Variants in MGAT4C observed in about 807,000 individuals in gnomAD.
MGAT4C encodes the protein alpha-1,3-mannosyl-glycoprotein 4-beta-N-acetylglucosaminyltransferase C.
Under a neutral mutation model 40.1 loss-of-function variants are expected in MGAT4C, and 19 were observed. The observed-to-expected ratio is 0.47, with a 90% CI of 0.33 to 0.70. MGAT4C has a LOEUF of 0.70. MGAT4C is among the 30% of genes least tolerant of loss of function. The pLI is 0.02. For synonymous variants in MGAT4C, 181 were observed against 187.1 expected, an observed-to-expected ratio of 0.97 and a Z score of 0.27; for missense variants, 491 against 563.2, an observed-to-expected ratio of 0.87 and a Z score of 1.30.
chr12:86,115,121 T>G (rs751431381), intron 1 of MGAT4C, among the ~76,000 whole-genome samples: 1 of 152,026 alleles, frequency 6.6e-6, no homozygotes. Context: ...TGGGTACCAG[T>G]TGACGAAGGA....
chr12:86,419,116 T>C (rs1183645524), intron 3 of MGAT4C, among the ~76,000 whole-genome samples: 1 of 152,024 alleles, frequency 6.6e-6, no homozygotes, highest in African/African-American at 2.4e-5. Context: ...AGGGAAAAAA[T>C]ATAACATTAT....
At chr12:86,803,560 A>G (rs1454944782) in intron 1 of MGAT4C, among the ~76,000 whole-genome samples, 1 of 150,822 alleles carries the variant, frequency 6.6e-6, no homozygotes, top group Non-Finnish European at 1.5e-5. Flanking sequence ...AACTCAAACA[A>G]ATTTACAAGA....
At chr12:86,805,167 T>A (rs1566001720) in intron 1 of MGAT4C, among the ~76,000 whole-genome samples, 1 of 152,020 alleles carries the variant, frequency 6.6e-6, no homozygotes, top group Non-Finnish European at 1.5e-5. Flanking sequence ...TTAATGTTAA[T>A]TGTCTTGATT....
At chr12:86,561,688 T>C (rs991388902) in intron 2 of MGAT4C, among the ~76,000 whole-genome samples, 1 of 152,144 alleles carries the variant, frequency 6.6e-6, no homozygotes, top group Non-Finnish European at 1.5e-5. Flanking sequence ...TGGCCTATTG[T>C]GGGACTTCAC....
intron 1 of MGAT4C, among the ~76,000 whole-genome samples, chr12:86,103,740 G>C (rs2135605812): frequency 6.6e-6 from 1 of 152,206 alleles, no homozygotes; most frequent in East Asian, 1.9e-4. Flanking sequence ...TCTGACCCAA[G>C]CTATACCAAT....
At chr12:86,076,229 AAG>A (rs770938878) in intron 1 of MGAT4C, among the ~76,000 whole-genome samples, 49 of 152,292 alleles carry the variant, frequency 3.2e-4, no homozygotes, top group Admixed American at 6.5e-4. Context: ...AAAACATAAG[AAG>A]AGTCACCTTT....
chr12:86,054,521 G>A (rs1893202547), intron 1 of MGAT4C, among the ~76,000 whole-genome samples: 1 of 151,918 alleles, frequency 6.6e-6, no homozygotes, highest in Non-Finnish European at 1.5e-5. Flanking sequence ...ACAGTTCAGT[G>A]ACTATAGTTA....
chr12:86,654,114 C>T (rs993396573), intron 2 of MGAT4C, among the ~76,000 whole-genome samples: 1 of 152,008 alleles, frequency 6.6e-6, no homozygotes, highest in East Asian at 1.9e-4. Context: ...TACACTTCCA[C>T]AATTTTAATC....
At chr12:86,443,152 G>A (rs1048148109) in intron 2 of MGAT4C, among the ~76,000 whole-genome samples, 6 of 151,892 alleles carry the variant, frequency 4.0e-5, no homozygotes, top group African/African-American at 4.8e-5. Context: ...CAATATGTAT[G>A]AAGTATATTT....
intron 2 of MGAT4C, among the ~76,000 whole-genome samples, chr12:86,514,706 G>A (rs1419206590): frequency 1.3e-5 from 2 of 152,168 alleles, no homozygotes; most frequent in African/African-American, 4.8e-5. Context: ...AAGGTCAGCT[G>A]ATGAGCATTC....
chr12:86,535,912 TA>T (rs1565832787), intron 2 of MGAT4C, among the ~76,000 whole-genome samples: 1 of 152,096 alleles, frequency 6.6e-6, no homozygotes, highest in African/African-American at 2.4e-5. Flanking sequence ...AAAATTATTG[TA>T]GATATTTTCA....
At chr12:86,560,869 A>C (rs1959829842) in intron 2 of MGAT4C, among the ~76,000 whole-genome samples, 1 of 152,180 alleles carries the variant, frequency 6.6e-6, no homozygotes, top group Non-Finnish European at 1.5e-5. Context: ...CTTTGCAGAA[A>C]ACAAAATCTT....
chr12:86,346,375 C>T (rs945540419), intron 3 of MGAT4C, among the ~76,000 whole-genome samples: 1 of 152,068 alleles, frequency 6.6e-6, no homozygotes, highest in African/African-American at 2.4e-5. Flanking sequence ...CAGATGTGCA[C>T]CACCATGCCC....
chr12:86,217,876 T>C (rs1950730922), intron 1 of MGAT4C, among the ~76,000 whole-genome samples: 1 of 152,098 alleles, frequency 6.6e-6, no homozygotes. Flanking sequence ...ATTGAAGTGA[T>C]ATAAGAAGGT....
chr12:86,509,901 A>G (rs1242613016), intron 2 of MGAT4C, among the ~76,000 whole-genome samples: 1 of 152,100 alleles, frequency 6.6e-6, no homozygotes, highest in East Asian at 1.9e-4. Context: ...TGATTTTTGT[A>G]CATTGATTTT....
chr12:86,668,196 T>C (rs1395594053), intron 2 of MGAT4C, among the ~76,000 whole-genome samples: 3 of 152,148 alleles, frequency 2.0e-5, no homozygotes, highest in African/African-American at 7.2e-5. Flanking sequence ...CACTTGGAAA[T>C]AGCAAGATAG....
chr12:86,120,312 G>A (rs1467721212), intron 1 of MGAT4C, among the ~76,000 whole-genome samples: 1 of 152,134 alleles, frequency 6.6e-6, no homozygotes, highest in African/African-American at 2.4e-5. Context: ...CACCTCTGGG[G>A]GCAGGGCATA....
intron 2 of MGAT4C, among the ~76,000 whole-genome samples, chr12:86,013,460 C>A (rs1888726181): frequency 6.6e-6 from 1 of 152,056 alleles, no homozygotes; most frequent in African/African-American, 2.4e-5. Flanking sequence ...TCACTCTATA[C>A]TTCCCCTCAT....
At chr12:86,426,139 T>C (rs1956920892) in intron 3 of MGAT4C, among the ~76,000 whole-genome samples, 1 of 152,224 alleles carries the variant, frequency 6.6e-6, no homozygotes, top group South Asian at 2.1e-4. Flanking sequence ...ATAGGCAGTA[T>C]ATTATGGCAT....
Sources: gnomAD v4.1 joint callset for allele counts (sites outside exome capture counted in the v4.1 genomes callset) on GRCh38, gnomAD v4.1.1 for gene constraint, MANE v1.5 for transcripts, NCBI Gene and HGNC (gene_info 2026-07-23, HGNC 2026-07-21) for gene names.